The following NKAIN3 variants were observed in gnomAD, a reference collection of about 807,000 sequenced individuals.
The protein encoded by NKAIN3 is sodium/potassium-transporting ATPase subunit beta-1-interacting protein 3.
A neutral mutation model predicts 30.2 loss-of-function variants in NKAIN3; 25 were observed. The observed-to-expected ratio is 0.83, with a 90% CI of 0.60 to 1.16. NKAIN3 has a LOEUF of 1.16. Ranked by LOEUF, NKAIN3 falls within the 50% of genes most tolerant of loss-of-function variation. The pLI, the probability that NKAIN3 is intolerant of heterozygous loss-of-function variation, is 0.00. For synonymous variants in NKAIN3, 91 were observed against 89.6 expected (o/e 1.02, Z -0.09); for missense variants, 225 against 254.1 (o/e 0.89, Z 0.78).
intron 4 of NKAIN3, among the ~76,000 whole-genome samples, chr8:62,756,641 C>G: frequency 6.6e-6 from 1 of 152,158 alleles, no homozygotes; most frequent in East Asian, 1.9e-4. Context: ...CAACTGACAG[C>G]TCTTACACGG....
chr8:62,722,104 CAGTA>C (rs1171372460), intron 3 of NKAIN3, among the ~76,000 whole-genome samples: 1 of 152,146 alleles, frequency 6.6e-6, no homozygotes, highest in Admixed American at 6.5e-5. Flanking sequence ...TAGCCACTAT[CAGTA>C]AGGAGAACAA....
intron 1 of NKAIN3, among the ~76,000 whole-genome samples, chr8:62,310,726 G>A (rs1048609877): frequency 3.3e-5 from 5 of 150,126 alleles, no homozygotes; most frequent in Admixed American, 6.6e-5. Flanking sequence ...GGGGTTGTAC[G>A]GTCATATCTG....
intron 1 of NKAIN3, among the ~76,000 whole-genome samples, chr8:62,479,137 G>A (rs762275995): frequency 2.0e-5 from 3 of 152,112 alleles, no homozygotes; most frequent in Non-Finnish European, 2.9e-5. Flanking sequence ...CAGGCTCCTT[G>A]TTCACCAAAC....
chr8:62,543,410 A>T (rs968124317), intron 1 of NKAIN3, among the ~76,000 whole-genome samples: 3 of 152,164 alleles, frequency 2.0e-5, no homozygotes, highest in Non-Finnish European at 2.9e-5. Flanking sequence ...CATTCTAGTA[A>T]ATTATGTATT....
At chr8:62,641,178 C>T (rs535330643) in intron 3 of NKAIN3, among the ~76,000 whole-genome samples, 2 of 152,220 alleles carry the variant, frequency 1.3e-5, no homozygotes, top group South Asian at 4.2e-4. Flanking sequence ...ATGATCCTTA[C>T]ACCACCAAAA....
At chr8:62,423,347 G>A (rs773042549) in intron 1 of NKAIN3, among the ~76,000 whole-genome samples, 11 of 151,306 alleles carry the variant, frequency 7.3e-5, no homozygotes, top group East Asian at 5.8e-4. Flanking sequence ...AAACCGTGCT[G>A]TTTCTCAAGT....
At chr8:62,317,828 C>T (rs1368808965) in intron 1 of NKAIN3, among the ~76,000 whole-genome samples, 3 of 152,124 alleles carry the variant, frequency 2.0e-5, no homozygotes, top group Non-Finnish European at 4.4e-5. Context: ...TCATTGGTAG[C>T]TTGATGGGCA....
chr8:62,426,594 G>A (rs1207080218), intron 1 of NKAIN3, among the ~76,000 whole-genome samples: 1 of 151,796 alleles, frequency 6.6e-6, no homozygotes, highest in African/African-American at 2.4e-5. Context: ...ATTTAACCTT[G>A]GAAGACCATG....
At chr8:62,821,851 G>T (rs185487972) in intron 4 of NKAIN3, among the ~76,000 whole-genome samples, 45 of 148,300 alleles carry the variant, frequency 3.0e-4, no homozygotes, top group African/African-American at 1.1e-3. Context: ...TATTGAAAAT[G>T]TAAAATTGGG....
At chr8:62,950,383 T>C (rs988691418) in intron 5 of NKAIN3, among the ~76,000 whole-genome samples, 1 of 152,210 alleles carries the variant, frequency 6.6e-6, no homozygotes, top group African/African-American at 2.4e-5. Context: ...TGGTGGCTTC[T>C]GTGGCCAAAA....
chr8:62,319,706 A>G (rs1814802548), intron 1 of NKAIN3, among the ~76,000 whole-genome samples: 1 of 152,204 alleles, frequency 6.6e-6, no homozygotes. Context: ...ACAATTTATT[A>G]TAATTTCTGT....
intron 3 of NKAIN3, among the ~76,000 whole-genome samples, chr8:62,626,735 A>T (rs1300749983): frequency 6.6e-6 from 1 of 152,146 alleles, no homozygotes. Flanking sequence ...GAGACAGCAT[A>T]TGTAAAGTGT....
chr8:62,657,818 G>A (rs893093650), intron 3 of NKAIN3, among the ~76,000 whole-genome samples: 2 of 152,144 alleles, frequency 1.3e-5, no homozygotes, highest in Non-Finnish European at 2.9e-5. Flanking sequence ...TTTTCTGAAT[G>A]ACCTTGGACA....
intron 4 of NKAIN3, among the ~76,000 whole-genome samples, chr8:62,818,925 C>A (rs1317229814): frequency 1.3e-5 from 2 of 151,678 alleles, no homozygotes; most frequent in African/African-American, 4.8e-5. Flanking sequence ...AAGATTGCTA[C>A]AGATTAAAAG....
chr8:62,584,575 C>T (rs541764156), intron 2 of NKAIN3, among the ~76,000 whole-genome samples: 23 of 152,190 alleles, frequency 1.5e-4, no homozygotes, highest in Non-Finnish European at 2.9e-4. Context: ...CTGCATTCCC[C>T]ATTTGCCTAC....
chr8:62,960,147 A>G (rs1823530872), intron 6 of NKAIN3, among the ~76,000 whole-genome samples: 1 of 152,238 alleles, frequency 6.6e-6, no homozygotes, highest in Non-Finnish European at 1.5e-5. Flanking sequence ...TTATCACCGT[A>G]GTATCCAGTT....
intron 1 of NKAIN3, among the ~76,000 whole-genome samples, chr8:62,368,431 G>A (rs902123805): frequency 6.6e-6 from 1 of 152,122 alleles, no homozygotes; most frequent in Non-Finnish European, 1.5e-5. Context: ...CAAATGTGTT[G>A]AGAACACACA....
At chr8:62,441,277 G>A (rs1312071695) in intron 1 of NKAIN3, among the ~76,000 whole-genome samples, 3 of 151,370 alleles carry the variant, frequency 2.0e-5, no homozygotes, top group Admixed American at 2.0e-4. Context: ...TTTGTTTTTC[G>A]GTATGCCTTC....
chr8:62,894,433 G>T (rs4478566), intron 4 of NKAIN3, among the ~76,000 whole-genome samples: 117,413 of 152,070 alleles, frequency 0.77, 46,159 homozygotes, highest in East Asian at 0.93. Context: ...GGTTTCACTT[G>T]TTCGGTCTTT....
Sources: allele counts gnomAD v4.1 joint callset (sites outside exome capture counted in the v4.1 genomes callset), GRCh38; gene constraint gnomAD v4.1.1; transcripts MANE v1.5; gene names NCBI Gene and HGNC (gene_info 2026-07-23, HGNC 2026-07-21).